Variants in WWOX observed in about 807,000 individuals in gnomAD.
WWOX encodes WW domain-containing oxidoreductase.
Under a neutral mutation model 46.2 loss-of-function variants are expected in WWOX, and 69 were observed. The ratio of observed to expected loss-of-function variants is 1.49; its 90% confidence interval spans 1.23 to 1.82. WWOX has a LOEUF of 1.82. Among genes scored for constraint, WWOX ranks in the 40% most tolerant of loss-of-function variants. WWOX has a pLI of 0.00. For missense variants in WWOX, 919 were observed against 542.6 expected, an observed-to-expected ratio of 1.69 and a Z score of -6.89; for synonymous variants, 359 against 202.6, an observed-to-expected ratio of 1.77 and a Z score of -6.56.
At chr16:78,711,015 A>G (rs965983714) in intron 8 of WWOX, among the ~76,000 whole-genome samples, 3 of 152,162 alleles carry the variant, frequency 2.0e-5, no homozygotes, top group African/African-American at 7.2e-5. Context: ...CATGTTTGTC[A>G]AGGCCAGATT....
At chr16:79,100,358 G>A (rs558849475) in intron 8 of WWOX, among the ~76,000 whole-genome samples, 2 of 152,128 alleles carry the variant, frequency 1.3e-5, no homozygotes, top group Non-Finnish European at 2.9e-5. Flanking sequence ...TGAGAAACGA[G>A]ACATTAGTGA....
intron 4 of WWOX, among the ~76,000 whole-genome samples, chr16:78,160,619 T>C (rs2151731525): frequency 6.6e-6 from 1 of 152,336 alleles, no homozygotes; most frequent in Admixed American, 6.5e-5. Context: ...GGGATCTTGT[T>C]ATTGATTTGT....
At chr16:78,699,793 C>T (rs1021980637) in intron 8 of WWOX, among the ~76,000 whole-genome samples, 3 of 152,160 alleles carry the variant, frequency 2.0e-5, no homozygotes, top group Admixed American at 6.6e-5. Flanking sequence ...CACCTTTAAA[C>T]TTCATGGAAT....
intron 8 of WWOX, among the ~76,000 whole-genome samples, chr16:78,853,368 A>G (rs2052494662): frequency 6.6e-6 from 1 of 152,128 alleles, no homozygotes. Flanking sequence ...GCATGCCACG[A>G]AGCCCGACTG....
At chr16:78,272,191 C>T (rs114191962) in intron 5 of WWOX, among the ~76,000 whole-genome samples, 194 of 152,240 alleles carry the variant, frequency 1.3e-3, no homozygotes, top group African/African-American at 4.4e-3. Context: ...GTGGTGTTGA[C>T]TGGGGTCAGT....
intron 8 of WWOX, among the ~76,000 whole-genome samples, chr16:78,516,989 T>G (rs2043248390): frequency 6.6e-6 from 1 of 152,226 alleles, no homozygotes; most frequent in South Asian, 2.1e-4. Context: ...TCCTCCTCCT[T>G]GAAAATAGTG....
chr16:78,985,169 A>G (rs1443373818), intron 8 of WWOX, among the ~76,000 whole-genome samples: 1 of 152,198 alleles, frequency 6.6e-6, no homozygotes, highest in Non-Finnish European at 1.5e-5. Context: ...GGCTGCCATG[A>G]CATCGGCATG....
chr16:79,165,664 C>T (rs1445936939), intron 8 of WWOX, among the ~76,000 whole-genome samples: 2 of 152,130 alleles, frequency 1.3e-5, no homozygotes, highest in African/African-American at 4.8e-5. Flanking sequence ...TGGTTTTACG[C>T]AGAGAAGTAG....
chr16:79,010,005 G>A (rs1436171831), intron 8 of WWOX, among the ~76,000 whole-genome samples: 3 of 152,144 alleles, frequency 2.0e-5, no homozygotes, highest in African/African-American at 4.8e-5. Flanking sequence ...CTTCAGAAGC[G>A]AAAGGAAGAA....
In WWOX at chr16:78,237,505, G is replaced by C. The variant is rs1338519493; in HGVS notation, c.516+73216G>C. ...TCCTATCCCTCTGATCCAGCCAAGT[G>C]CTTTCACTTGGTCCCACTCTGGGGA... On this transcript the variant is annotated intron_variant, in intron 5 of 8. Transcript: ENST00000566780. The C allele has an allele frequency of 2.0e-5, 3 of 152,102 alleles. No homozygotes were observed. In the East Asian group the frequency reaches 5.8e-4, roughly 29 times the overall value. 9.4% of individuals were successfully genotyped at this position (152,102 alleles called of 1,614,324 possible).
intron 8 of WWOX, among the ~76,000 whole-genome samples, chr16:78,678,184 C>T (rs1041786190): frequency 2.6e-5 from 4 of 152,080 alleles, no homozygotes; most frequent in Non-Finnish European, 5.9e-5. Context: ...AGTGGCCTTA[C>T]GTGGCATTTG....
chr16:78,247,458 G>A (rs952562000), intron 5 of WWOX, among the ~76,000 whole-genome samples: 1 of 152,058 alleles, frequency 6.6e-6, no homozygotes, highest in Non-Finnish European at 1.5e-5. Flanking sequence ...GCATTGGTAA[G>A]GATGCAGTCC....
At chr16:78,675,295 T>C (rs2047566304) in intron 8 of WWOX, among the ~76,000 whole-genome samples, 1 of 152,306 alleles carries the variant, frequency 6.6e-6, no homozygotes, top group South Asian at 2.1e-4. Flanking sequence ...ACAGCTGTAA[T>C]TGAGACAAGA....
At chr16:78,233,159 T>C (rs1034294121) in intron 5 of WWOX, among the ~76,000 whole-genome samples, 5 of 152,194 alleles carry the variant, frequency 3.3e-5, no homozygotes, top group African/African-American at 4.8e-5. Context: ...CAGACATTGG[T>C]GCTATTTTCA....
At chr16:78,516,326 C>G (rs1304450011) in intron 8 of WWOX, among the ~76,000 whole-genome samples, 2 of 152,138 alleles carry the variant, frequency 1.3e-5, no homozygotes, top group Non-Finnish European at 2.9e-5. Flanking sequence ...TTGGTTTTCC[C>G]TGGACGGTCA....
At chr16:78,146,928 G>C (rs550728187) in intron 4 of WWOX, among the ~76,000 whole-genome samples, 1 of 152,278 alleles carries the variant, frequency 6.6e-6, no homozygotes, top group Admixed American at 6.5e-5. Flanking sequence ...GACTGTTGTG[G>C]ATATTTGACC....
At chr16:78,518,554 C>T (rs980147432) in intron 8 of WWOX, among the ~76,000 whole-genome samples, 3 of 152,170 alleles carry the variant, frequency 2.0e-5, no homozygotes, top group Admixed American at 1.3e-4. Context: ...ATACTCACAG[C>T]TCCCTTAGGA....
intron 5 of WWOX, among the ~76,000 whole-genome samples, chr16:78,226,084 G>C (rs1029563545): frequency 6.6e-6 from 1 of 152,250 alleles, no homozygotes; most frequent in African/African-American, 2.4e-5. Flanking sequence ...AGCATATACT[G>C]TTCAGTTGTT....
chr16:78,852,472 C>G (rs150993995), intron 8 of WWOX, among the ~76,000 whole-genome samples: 3 of 152,112 alleles, frequency 2.0e-5, no homozygotes, highest in Non-Finnish European at 4.4e-5. Context: ...AACAGTCAGA[C>G]CAGATTGCCA....
Sources: allele counts gnomAD v4.1 joint callset (sites outside exome capture counted in the v4.1 genomes callset), GRCh38; gene constraint gnomAD v4.1.1; transcripts MANE v1.5; gene names NCBI Gene and HGNC (gene_info 2026-07-23, HGNC 2026-07-21).